CA4: variants seen among roughly 807,000 people sequenced by gnomAD.
CA4 encodes the protein CA-IV.
A neutral mutation model predicts 34.5 loss-of-function variants in CA4; 24 were observed. The observed-to-expected ratio is 0.70, with a 90% CI of 0.50 to 0.98. CA4 has a LOEUF of 0.98. Among genes scored for constraint, CA4 ranks in the 50% least tolerant of loss-of-function variants. The pLI is 0.00. For missense variants in CA4, 394 were observed against 396.7 expected (o/e 0.99, Z 0.06); for synonymous variants, 178 against 170.6 (o/e 1.04, Z -0.34).
At chr17:60,171,776 T>C (rs1252743033), downstream of CA4, among the ~76,000 whole-genome samples, 2 of 152,206 alleles carry the variant, frequency 1.3e-5, no homozygotes, top group African/African-American at 4.8e-5. Context: ...GTGGCTGGAA[T>C]GGCTGGAAGA....
chr17:60,163,218 A>C (rs2083813541), downstream of CA4, among the ~76,000 whole-genome samples: 1 of 151,846 alleles, frequency 6.6e-6, no homozygotes, highest in African/African-American at 2.4e-5. Context: ...ACGTCTGCCC[A>C]TGGTTCGTGC....
At position 60,155,331 on chromosome 17, in the gene CA4, G is replaced by A. The variant is rs776401174; in HGVS notation, c.76G>A (p.Glu26Lys). 3.1e-6 allele frequency: 5 copies of A among 1,611,300 alleles called. No individual in the cohort carries two copies. The highest frequency in any genetic ancestry group is 2.2e-5 in the East Asian group (1 of 44,724). The change falls in exon 2 of 8, where the codon GAG (glutamate) becomes AAG (lysine). Residue 26 changes from glutamate to lysine, a missense_variant. By Grantham distance (56) the Glu-to-Lys change is moderately conservative. Coordinates refer to ENST00000300900, the MANE Select transcript of CA4 (RefSeq NM_000717.5). ...SASAESHWCY[E>K]VQAESSNYPC... ...TGCTCCAGAGTCACACTGGTGCTAC[G>A]AGGTTCAAGCCGAGTCCTCCAACTA...
At chr17:60,156,758 T>C (rs1327443124) in intron 3 of CA4, 43 bp downstream of exon 3, 1 of 1,586,150 alleles carries the variant, frequency 6.3e-7, no homozygotes, top group Non-Finnish European at 8.7e-7. Context: ...GCACCCGAGT[T>C]CCCCAAGGAC....
intron 5 of CA4, among the ~76,000 whole-genome samples, chr17:60,167,211 G>A (rs185186562): frequency 2.0e-5 from 3 of 152,328 alleles, no homozygotes; most frequent in Admixed American, 6.5e-5. Context: ...TTCTTGTTCT[G>A]TGTTTCTACA....
intron 5 of CA4, among the ~76,000 whole-genome samples, chr17:60,166,404 C>T (rs957664641): frequency 3.9e-5 from 6 of 152,174 alleles, no homozygotes; most frequent in South Asian, 2.1e-4. Flanking sequence ...CCACCATGCC[C>T]GTCTTGAATT....
chr17:60,165,390 G>A (rs573580037), intron 5 of CA4, among the ~76,000 whole-genome samples: 19 of 152,262 alleles, frequency 1.2e-4, no homozygotes, highest in Admixed American at 5.2e-4. Flanking sequence ...ATCAGAGGGA[G>A]AAAAGGGGGC....
At chr17:60,155,871 C>G (rs2145266927) in intron 2 of CA4, among the ~76,000 whole-genome samples, 1 of 152,290 alleles carries the variant, frequency 6.6e-6, no homozygotes, top group Non-Finnish European at 1.5e-5. Flanking sequence ...TTGTTTCTAT[C>G]CCAGTGACAC....
chr17:60,152,617 C>T (rs1173237647), intron 1 of CA4, among the ~76,000 whole-genome samples: 1 of 152,226 alleles, frequency 6.6e-6, no homozygotes, highest in Admixed American at 6.5e-5. Flanking sequence ...GGGATGCTGG[C>T]TGAAGGGAGG....
At chr17:60,178,619 T>C in the CA4 span, among the ~76,000 whole-genome samples, 2 of 152,130 alleles carry the variant, frequency 1.3e-5, no homozygotes, top group East Asian at 3.8e-4. Flanking sequence ...CTGACCACTA[T>C]ATGCCCCTGC....
chr17:60,158,840 T>A, intron 7 of CA4: 1 of 407,668 alleles, frequency 2.5e-6, no homozygotes. Flanking sequence ...TTGTTAGAAA[T>A]GCTAATCCTC....
chr17:60,161,571 G>A (rs2083789086), downstream of CA4, among the ~76,000 whole-genome samples: 2 of 152,030 alleles, frequency 1.3e-5, no homozygotes, highest in African/African-American at 2.4e-5. Context: ...GGGAGCTGGT[G>A]GGAGAAGGTG....
At chr17:60,164,269 TTCCC>T (rs1432709450), downstream of CA4, among the ~76,000 whole-genome samples, 1 of 148,778 alleles carries the variant, frequency 6.7e-6, no homozygotes, top group South Asian at 2.2e-4. Context: ...CTTTCCGTCC[TTCCC>T]TCCCTCCCTC....
intron 7 of CA4, 50 bp from the exon 8 acceptor site, chr17:60,159,180 G>A (rs1332984773): frequency 6.6e-7 from 1 of 1,521,302 alleles, no homozygotes; most frequent in Non-Finnish European, 9.0e-7. Flanking sequence ...CACACGGCAG[G>A]GAGTGCAGCT....
chr17:60,175,459 C>T (rs2083951638), downstream of CA4, among the ~76,000 whole-genome samples: 1 of 150,688 alleles, frequency 6.6e-6, no homozygotes, highest in African/African-American at 2.4e-5. Flanking sequence ...GTCCCAGCTA[C>T]TGGGGAGGCT....
At chr17:60,158,260 AGT>A (rs771740280) in intron 6 of CA4, 21 bp from the exon 7 acceptor site, 1 of 1,613,820 alleles carries the variant, frequency 6.2e-7, no homozygotes, top group South Asian at 1.1e-5. Context: ...CCTCACTGAC[AGT>A]GTCCTCTGCC....
downstream of CA4, among the ~76,000 whole-genome samples, chr17:60,175,617 C>A (rs1462735954): frequency 1.5e-5 from 2 of 137,738 alleles, no homozygotes; most frequent in Non-Finnish European, 3.1e-5. Context: ...TGCAGTGAGC[C>A]GAGATTGCGC....
In CA4 at chr17:60,150,237, C is replaced by G. The variant is rs345190; in HGVS notation, c.58+145C>G. 9.7e-3 allele frequency: 6,489 copies of G among 670,416 alleles called. 221 individuals carry two copies. Among genetic ancestry groups the G allele is most frequent in the African/African-American group, 0.082 (4,307 of 52,692 alleles). 41.5% of individuals were successfully genotyped at this position (670,416 alleles called of 1,614,324 possible). Reference sequence around the variant, plus strand: ...CGGGTTGCGTGTGCGCCGGGGGCCGCGAGGGTGCGGGAGGACTGGGCAGCG... The same window carrying G: ...CGGGTTGCGTGTGCGCCGGGGGCCGGGAGGGTGCGGGAGGACTGGGCAGCG... On this transcript the variant is annotated intron_variant, in intron 1 of 7. Transcript: ENST00000300900.
downstream of CA4, among the ~76,000 whole-genome samples, chr17:60,171,236 C>T (rs1025223116): frequency 6.6e-6 from 1 of 152,254 alleles, no homozygotes; most frequent in Non-Finnish European, 1.5e-5. Context: ...TAGCCCTCTC[C>T]TTTCCCCCAT....
chr17:60,163,369 T>G (rs909822049), downstream of CA4, among the ~76,000 whole-genome samples: 1 of 152,136 alleles, frequency 6.6e-6, no homozygotes. Flanking sequence ...AGTGGCTCCA[T>G]GGGCATGGAG....
Sources: allele counts gnomAD v4.1 joint callset (sites outside exome capture counted in the v4.1 genomes callset), GRCh38; gene constraint gnomAD v4.1.1; transcripts MANE v1.5; gene names NCBI Gene and HGNC (gene_info 2026-07-23, HGNC 2026-07-21).